Variants in STRN observed in about 807,000 individuals in gnomAD.
STRN encodes the protein striatin, also known as protein phosphatase 2 regulatory subunit B'''alpha.
STRN carries 53 observed loss-of-function variants against 96.3 expected under a neutral mutation model. The ratio of observed to expected loss-of-function variants is 0.55; its 90% CI spans 0.44 to 0.69. The LOEUF (loss-of-function observed/expected upper bound fraction) is 0.69, where lower values mean the gene tolerates loss of function less well. Among genes scored for constraint, STRN ranks in the 30% least tolerant of loss-of-function variants. The pLI is 0.00. For synonymous variants in STRN, 428 were observed against 355.9 expected, an observed-to-expected ratio of 1.20 and a Z score of -2.28; for missense variants, 987 against 963.9, an observed-to-expected ratio of 1.02 and a Z score of -0.32.
rs563702661 is a variant in STRN, at chr2:36,914,923, G to A, written c.412+1155C>T. ...ATTTAAAGTGAATATGCGGCCGGGC[G>A]TGGTGGCTCACGCCTGTAATCCCAG... On this transcript the variant is annotated intron_variant, in intron 3 of 17. Transcript: ENST00000263918. 8.9e-4 allele frequency among the ~76,000 whole-genome samples: 135 copies of A among 152,152 alleles called. 1 individual carries two copies. Among genetic ancestry groups the A allele is most frequent in the African/African-American group, 2.9e-3 (121 of 41,518 alleles).
chr2:36,879,827 C>T (rs1017457738), intron 9 of STRN, among the ~76,000 whole-genome samples: 1 of 152,146 alleles, frequency 6.6e-6, no homozygotes, highest in African/African-American at 2.4e-5. Flanking sequence ...AATAAATACT[C>T]ATTGAATAAA....
chr2:36,878,731 T>A (rs926443372), intron 9 of STRN, among the ~76,000 whole-genome samples: 6 of 152,100 alleles, frequency 3.9e-5, no homozygotes, highest in African/African-American at 1.2e-4. Context: ...ATCTAAAATT[T>A]TTTTTTATTT....
intron 1 of STRN, among the ~76,000 whole-genome samples, chr2:36,962,531 C>CTTTTTTTTTT (rs57756016): frequency 6.7e-6 from 1 of 148,156 alleles, no homozygotes. Flanking sequence ...CTTCACTATT[C>CTTTTTTTTTT]TTTTTTTTTT....
At chr2:36,892,900 G>C (rs1233955323) in intron 7 of STRN, among the ~76,000 whole-genome samples, 2 of 151,954 alleles carry the variant, frequency 1.3e-5, no homozygotes, top group Non-Finnish European at 2.9e-5. Context: ...GCACACTGTA[G>C]TCCCAGCTAC....
chr2:36,953,454 G>C (rs554231130), intron 1 of STRN, among the ~76,000 whole-genome samples: 2 of 147,594 alleles, frequency 1.4e-5, no homozygotes, highest in East Asian at 4.0e-4. Context: ...CCAGGCTGGA[G>C]TGCAGTGGCA....
intron 15 of STRN, among the ~76,000 whole-genome samples, chr2:36,852,026 G>C (rs1558621102): frequency 6.6e-6 from 1 of 152,142 alleles, no homozygotes; most frequent in Non-Finnish European, 1.5e-5. Flanking sequence ...CTATATTACA[G>C]TGAACACATC....
chr2:36,885,572 C>A (rs1054568003), intron 8 of STRN, among the ~76,000 whole-genome samples: 16 of 152,142 alleles, frequency 1.1e-4, no homozygotes, highest in African/African-American at 3.9e-4. Context: ...ACAACATCAT[C>A]TCTCATTATG....
rs551887584 is a variant in STRN at position 36,867,927 on chromosome 2, A to T, written c.1500-66T>A. ...TAAACAGTATAATTAAACATATGTCATAAAATTGTCTTTAAAAATACAAAC... is the reference window on the plus strand; with the variant it reads ...TAAACAGTATAATTAAACATATGTCTTAAAATTGTCTTTAAAAATACAAAC... On this transcript the variant is annotated intron_variant, in intron 11 of 17. Coordinates refer to ENST00000263918, the MANE Select transcript of STRN (RefSeq NM_003162.4). 6.5e-5 allele frequency: 83 copies of T among 1,285,544 alleles called. No individual in the cohort carries two copies. The South Asian group carries it at 1.1e-3, about 18-fold the overall frequency. The allele number at this position is 1,285,544 out of a possible 1,614,324, so 79.6% of individuals were successfully genotyped here. A position where few individuals can be genotyped will look rare whatever the true frequency, so the allele number is the denominator to read the frequency against.
In STRN at chr2:36,917,045, A is replaced by T. The variant is rs560639140; in HGVS notation, c.339-894T>A. ...TGAGAAACACCCAAGAATGATCAAT[A>T]AAAAAATAAAAAATAAAAATAAATA... On this transcript the variant is annotated intron_variant, in intron 2 of 17. Transcript: ENST00000263918. Among the ~76,000 whole-genome samples the T allele has an allele frequency of 6.0e-3, 843 of 140,636 alleles. 16 individuals are homozygous for T. The highest frequency in any genetic ancestry group is 0.025 in the African/African-American group (800 of 32,640). The allele number at this position is 140,636 out of a possible 152,430, so 92.3% of individuals were successfully genotyped here.
At chr2:36,901,302 C>T (rs944700541) in intron 5 of STRN, among the ~76,000 whole-genome samples, 2 of 152,100 alleles carry the variant, frequency 1.3e-5, no homozygotes, top group African/African-American at 4.8e-5. Context: ...CCGGTAATCC[C>T]AGTACTTCAG....
chr2:36,933,474 G>T (rs1443788538), intron 1 of STRN, among the ~76,000 whole-genome samples: 3 of 152,134 alleles, frequency 2.0e-5, no homozygotes, highest in South Asian at 2.1e-4. Flanking sequence ...GCAGATTTAC[G>T]GTATGAGACA....
intron 9 of STRN, 72 bp from the exon 10 acceptor site, chr2:36,878,099 C>T (rs980823206): frequency 6.4e-7 from 1 of 1,557,060 alleles, no homozygotes; most frequent in African/African-American, 1.4e-5. Context: ...TTGCTTGCAT[C>T]AAATTTCTTA....
At chr2:36,936,116 A>T (rs970484458) in intron 1 of STRN, among the ~76,000 whole-genome samples, 1 of 152,182 alleles carries the variant, frequency 6.6e-6, no homozygotes, top group African/African-American at 2.4e-5. Flanking sequence ...TAATCCCCTG[A>T]ATAAAGACAT....
intron 1 of STRN, among the ~76,000 whole-genome samples, chr2:36,935,034 C>T (rs879638941): frequency 6.6e-6 from 1 of 152,192 alleles, no homozygotes; most frequent in Non-Finnish European, 1.5e-5. Context: ...ACTGAGACTA[C>T]ACCACTGTGC....
In STRN at chr2:36,861,155, T is replaced by G; in HGVS notation, c.1646A>C (p.Asn549Thr). The change falls in exon 13 of 18, where the codon AAC (asparagine) becomes ACC (threonine). Residue 549 changes from asparagine (N) to threonine (T), a missense_variant. Physicochemically the swap from Asn to Thr is moderately conservative, Grantham distance 65 (BLOSUM62 0). Coordinates refer to ENST00000263918, the MANE Select transcript of STRN (RefSeq NM_003162.4). ...ACCATAAGAATCATAGGGGTCGATG[T>G]TGGGATTAGTGGTATTCCAGCCCTG... is the stretch of plus-strand genomic sequence containing the variant. ...LIQGWNTTNP[N>T]IDPYDSYDPS... 2 of 1,614,018 alleles carry G rather than the reference T, an allele frequency of 1.2e-6. No homozygotes were observed. The highest frequency in any genetic ancestry group is 1.7e-6 in the Non-Finnish European group (2 of 1,179,956).
intron 5 of STRN, among the ~76,000 whole-genome samples, chr2:36,900,225 C>G (rs185241490): frequency 6.6e-6 from 1 of 152,188 alleles, no homozygotes; most frequent in Non-Finnish European, 1.5e-5. Context: ...GTAAAAAACT[C>G]CCCTTCCTGA....
chr2:36,899,676 T>A lies in STRN; in HGVS notation c.660-18A>T. ...CAGATTTTCTGGTGTAAAACATGTA[T>A]ATCCTGCTTAGTTAATCTTTTTAAC... On this transcript the variant is annotated intron_variant, in intron 5 of 17. Transcript: ENST00000263918. The A allele has an allele frequency of 6.4e-7, 1 of 1,572,218 alleles. No homozygotes were observed. The highest frequency in any genetic ancestry group is 8.6e-7 in the Non-Finnish European group (1 of 1,159,154).
rs1667856013 is a variant in STRN at position 36,837,772 on chromosome 2, GA to G, written c.*11683del. 1.3e-5 allele frequency among the ~76,000 whole-genome samples: 2 copies of G among 152,076 alleles called. No homozygotes were observed. Among genetic ancestry groups the G allele is most frequent in the Admixed American group, 6.5e-5 (1 of 15,278 alleles). ...GTCAACAGACAACTTACAAGAGTTGGAAAAAAATGTTTGCATCCAAGATAAG... is the reference window on the plus strand; with the variant it reads ...GTCAACAGACAACTTACAAGAGTTGGAAAAAATGTTTGCATCCAAGATAAG... On this transcript the variant is annotated 3_prime_UTR_variant, in exon 18 of 18. Coordinates refer to ENST00000263918, the MANE Select transcript of STRN (RefSeq NM_003162.4).
At chr2:36,925,304 G>A in intron 1 of STRN, 96 bp from the exon 2 acceptor site, 1 of 752,916 alleles carries the variant, frequency 1.3e-6, no homozygotes, top group Non-Finnish European at 2.2e-6. Flanking sequence ...ACAATTAGAT[G>A]CAAAAATATT....
Sources: gnomAD v4.1 joint callset for allele counts (sites outside exome capture counted in the v4.1 genomes callset) on GRCh38, gnomAD v4.1.1 for gene constraint, MANE v1.5 for transcripts, NCBI Gene and HGNC (gene_info 2026-07-23, HGNC 2026-07-21) for gene names.